UGGT2: variants seen among roughly 807,000 people sequenced by gnomAD.
UGGT2 encodes the protein UDP-glucose:glycoprotein glucosyltransferase 2.
A neutral mutation model predicts 192.1 loss-of-function variants in UGGT2; 180 were observed. The observed-to-expected ratio is 0.94, with a 90% CI of 0.83 to 1.06. The LOEUF is 1.06. Ranked by LOEUF, UGGT2 falls within the 50% of genes least tolerant of loss-of-function variation. The probability of loss-of-function intolerance (pLI) is 0.00; values close to 1 mark genes in which losing one functional copy is unlikely to be tolerated. For missense variants in UGGT2, 1,849 were observed against 1,795.7 expected (o/e 1.03, Z -0.54); for synonymous variants, 580 against 591.0 (o/e 0.98, Z 0.27).
chr13:95,873,712 G>T (rs1891421222), intron 29 of UGGT2, among the ~76,000 whole-genome samples: 1 of 152,098 alleles, frequency 6.6e-6, no homozygotes, highest in South Asian at 2.1e-4. Context: ...TTTTGTGGTG[G>T]TGTATTAAAT....
intron 27 of UGGT2, among the ~76,000 whole-genome samples, chr13:95,884,016 C>A (rs191711327): frequency 2.8e-4 from 40 of 143,668 alleles, no homozygotes; most frequent in Non-Finnish European, 5.2e-4. Flanking sequence ...TTCCTACTTT[C>A]TACCCTAATT....
At chr13:95,901,274 C>A (rs2048097319) in intron 21 of UGGT2, among the ~76,000 whole-genome samples, 1 of 151,946 alleles carries the variant, frequency 6.6e-6, no homozygotes, top group South Asian at 2.1e-4. Context: ...AAATTCTGAA[C>A]TCAGTACCTC....
Position 95,844,271 on chromosome 13 carries a change from G to A in UGGT2, c.4285-7069C>T, listed in dbSNP as rs1594127288. 2.6e-5 allele frequency among the ~76,000 whole-genome samples: 4 copies of A among 152,248 alleles called. No homozygotes were observed. The South Asian group carries it at 6.2e-4, about 24-fold the overall frequency. ...GCCACCACGCCTGGCCTGTTTTGGC[G>A]ATTTTAGGTCTACGGCATTCCATTT... is the stretch of plus-strand genomic sequence containing the variant. On this transcript the variant is annotated intron_variant, in intron 36 of 38. Coordinates refer to ENST00000376747, the MANE Select transcript of UGGT2 (RefSeq NM_020121.4).
chr13:95,971,377 T>C (rs1261159840), intron 11 of UGGT2, among the ~76,000 whole-genome samples: 4 of 152,176 alleles, frequency 2.6e-5, no homozygotes, highest in Non-Finnish European at 5.9e-5. Context: ...TCACATTTTG[T>C]CTCTTCCTCT....
intron 1 of UGGT2, among the ~76,000 whole-genome samples, chr13:96,049,517 T>C (rs556527516): frequency 6.6e-6 from 1 of 152,194 alleles, no homozygotes; most frequent in South Asian, 2.1e-4. Flanking sequence ...GGTATTCAAT[T>C]AGGAAAAGAG....
intron 33 of UGGT2, among the ~76,000 whole-genome samples, chr13:95,859,044 A>G (rs914678297): frequency 6.6e-6 from 1 of 152,176 alleles, no homozygotes; most frequent in Admixed American, 6.6e-5. Context: ...ATAGGAAGAA[A>G]CAGAGTATAC....
intron 2 of UGGT2, among the ~76,000 whole-genome samples, chr13:96,029,649 T>C (rs2052772679): frequency 6.6e-6 from 1 of 152,178 alleles, no homozygotes; most frequent in Admixed American, 6.5e-5. Flanking sequence ...CCTCCTTCCA[T>C]ATATGCTTGA....
intron 4 of UGGT2, among the ~76,000 whole-genome samples, chr13:96,020,931 T>C (rs1400526503): frequency 1.3e-5 from 2 of 152,250 alleles, no homozygotes; most frequent in African/African-American, 4.8e-5. Context: ...CAAATGACTT[T>C]ACTGCTCATG....
At chr13:95,942,843 T>G (rs1191465927) in intron 15 of UGGT2, among the ~76,000 whole-genome samples, 1 of 152,208 alleles carries the variant, frequency 6.6e-6, no homozygotes, top group Non-Finnish European at 1.5e-5. Flanking sequence ...TAGAGCTTTT[T>G]AAGTTTTATC....
chr13:95,937,934 TGGGG>T lies in UGGT2; in HGVS notation c.1813-850_1813-847del, dbSNP rs139594367. 3.9e-5 allele frequency among the ~76,000 whole-genome samples: 6 copies of T among 152,284 alleles called. No individual in the cohort carries two copies. The South Asian group carries it at 1.0e-3, about 26-fold the overall frequency. ...TAGCTCCCACATTTCCCACATGTTG[TGGGG>T]GGACCCAGTGGGAGGTAATGAAATC... On this transcript the variant is annotated intron_variant, in intron 16 of 38. Coordinates refer to ENST00000376747, the MANE Select transcript of UGGT2 (RefSeq NM_020121.4).
At chr13:95,863,866 T>C in intron 30 of UGGT2, 152 bp from the exon 31 acceptor site, 1 of 648,540 alleles carries the variant, frequency 1.5e-6, no homozygotes, top group Non-Finnish European at 2.7e-6. Flanking sequence ...AGCACAATGT[T>C]GTAAACAATC....
At chr13:95,837,964 G>A (rs530149816) in intron 36 of UGGT2, among the ~76,000 whole-genome samples, 4 of 152,178 alleles carry the variant, frequency 2.6e-5, no homozygotes, top group African/African-American at 9.6e-5. Context: ...CCTAGCAAAT[G>A]CAATAAGACA....
At chr13:95,849,718 C>T (rs1360746265) in intron 36 of UGGT2, among the ~76,000 whole-genome samples, 1 of 151,712 alleles carries the variant, frequency 6.6e-6, no homozygotes, top group Non-Finnish European at 1.5e-5. Context: ...GGTACATGTA[C>T]AAGTTTGCTA....
chr13:96,016,673 A>C (rs590758), intron 4 of UGGT2, among the ~76,000 whole-genome samples: 54,579 of 152,170 alleles, frequency 0.36, 10,615 homozygotes, highest in East Asian at 0.45. Flanking sequence ...AGCCTGCCAC[A>C]CAGGCAAGGC....
At position 95,867,362 on chromosome 13, in the gene UGGT2, T is replaced by G. The variant is rs769293631; in HGVS notation, c.3535A>C (p.Lys1179Gln). ...EDIIVVLNSF[K>Q]SKILKVKVKK... ...ACTTTTACTTTGAGTATCTTGCTTTTGAAGCTGTTTAATACAACAATGATA... is the reference window on the plus strand; with the variant it reads ...ACTTTTACTTTGAGTATCTTGCTTTGGAAGCTGTTTAATACAACAATGATA... Residue 1179 changes from lysine (K) to glutamine (Q), a missense_variant, in exon 30 of 39, where the codon AAA (lysine) becomes CAA (glutamine). By Grantham distance (53) the Lys-to-Gln change is moderately conservative. Transcript: ENST00000376747. The G allele has an allele frequency of 1.9e-6, 3 of 1,608,644 alleles. No individual in the cohort carries two copies. The highest frequency in any genetic ancestry group is 2.5e-6 in the Non-Finnish European group (3 of 1,177,988).
chr13:95,894,774 T>C (rs2047899853), intron 23 of UGGT2, 117 bp from the exon 24 acceptor site: 2 of 800,752 alleles, frequency 2.5e-6, no homozygotes, highest in African/African-American at 1.7e-5. Flanking sequence ...TCTACCAAAG[T>C]AGACTGCAAA....
intron 38 of UGGT2, among the ~76,000 whole-genome samples, chr13:95,817,375 A>C (rs1227238835): frequency 6.6e-6 from 1 of 152,178 alleles, no homozygotes; most frequent in East Asian, 1.9e-4. Context: ...GCTTCAGGCC[A>C]GGAGTTGGAG....
chr13:96,048,285 A>G (rs142719947), intron 1 of UGGT2, among the ~76,000 whole-genome samples: 2 of 152,330 alleles, frequency 1.3e-5, no homozygotes, highest in African/African-American at 2.4e-5. Flanking sequence ...TTTGAAACCA[A>G]TAAGAACAAA....
intron 12 of UGGT2, among the ~76,000 whole-genome samples, chr13:95,966,771 A>G (rs915368382): frequency 6.6e-6 from 1 of 152,196 alleles, no homozygotes; most frequent in African/African-American, 2.4e-5. Flanking sequence ...TGGAATTCAC[A>G]GAAGAACATG....
Sources: allele counts gnomAD v4.1 joint callset (sites outside exome capture counted in the v4.1 genomes callset), GRCh38; gene constraint gnomAD v4.1.1; transcripts MANE v1.5; gene names NCBI Gene and HGNC (gene_info 2026-07-23, HGNC 2026-07-21).